The following WWOX variants were observed in gnomAD, a reference collection of about 807,000 sequenced individuals.
The protein encoded by WWOX is WW domain-containing oxidoreductase.
A neutral mutation model predicts 46.2 loss-of-function variants in WWOX; 69 were observed. That is an observed-to-expected ratio of 1.49 (90% CI 1.23 to 1.82). WWOX has a LOEUF of 1.82. Ranked by LOEUF, WWOX falls within the 40% of genes most tolerant of loss-of-function variation. The pLI, the probability that WWOX is intolerant of heterozygous loss-of-function variation, is 0.00. For missense variants in WWOX, 919 were observed against 542.6 expected, an observed-to-expected ratio of 1.69 and a Z score of -6.89; for synonymous variants, 359 against 202.6, an observed-to-expected ratio of 1.77 and a Z score of -6.56.
intron 8 of WWOX, among the ~76,000 whole-genome samples, chr16:78,463,799 T>C (rs1458779873): frequency 6.6e-6 from 1 of 152,076 alleles, no homozygotes; most frequent in African/African-American, 2.4e-5. Context: ...AAGTAAAGAG[T>C]TTAAAGAAGT....
chr16:78,911,174 C>A (rs1280602879), intron 8 of WWOX, among the ~76,000 whole-genome samples: 1 of 151,920 alleles, frequency 6.6e-6, no homozygotes, highest in Non-Finnish European at 1.5e-5. Context: ...TGGCCCTCCA[C>A]CACACCAGCC....
intron 8 of WWOX, among the ~76,000 whole-genome samples, chr16:78,567,336 G>C (rs1015478889): frequency 6.6e-6 from 1 of 151,602 alleles, no homozygotes; most frequent in Non-Finnish European, 1.5e-5. Context: ...ACGAGGTCAG[G>C]AGATCGAGAC....
intron 8 of WWOX, among the ~76,000 whole-genome samples, chr16:78,700,358 G>C (rs1177676160): frequency 8.2e-6 from 1 of 122,056 alleles, no homozygotes; most frequent in Admixed American, 7.9e-5. Context: ...GAGAGAGAGA[G>C]AGACCATCTC....
chr16:79,001,932 G>C (rs2047101037), intron 8 of WWOX, among the ~76,000 whole-genome samples: 1 of 152,142 alleles, frequency 6.6e-6, no homozygotes, highest in East Asian at 1.9e-4. Flanking sequence ...AGTGAGACTG[G>C]AGGGAAGAAA....
chr16:78,593,550 G>T (rs549424275), intron 8 of WWOX, among the ~76,000 whole-genome samples: 2 of 152,314 alleles, frequency 1.3e-5, no homozygotes, highest in South Asian at 4.1e-4. Context: ...CACAGTGCAT[G>T]ATGGGGGAAT....
intron 8 of WWOX, among the ~76,000 whole-genome samples, chr16:78,578,152 C>G (rs563098534): frequency 1.3e-5 from 2 of 149,036 alleles, no homozygotes; most frequent in Admixed American, 1.3e-4. Context: ...GTTGTTGATG[C>G]TTTTTTGCCT....
chr16:78,851,270 A>G (rs1329572599), intron 8 of WWOX, among the ~76,000 whole-genome samples: 1 of 152,202 alleles, frequency 6.6e-6, no homozygotes, highest in African/African-American at 2.4e-5. Context: ...AGGGTCATAA[A>G]CAATAATTTT....
rs1173337443 is a variant in WWOX, at chr16:78,157,434, AGTAAAT to A, written c.410-6748_410-6743del. Among the ~76,000 whole-genome samples, 4 of 152,300 alleles carry A rather than the reference AGTAAAT, an allele frequency of 2.6e-5. No homozygotes were observed. The East Asian group carries it at 7.7e-4, about 29-fold the overall frequency. ...GACATTGGTATCACAGGTAAAAATG[AGTAAAT>A]TTGAGATTATTGTCGTCTTGCTTTA... is the stretch of plus-strand genomic sequence containing the variant. On this transcript the variant is annotated intron_variant, in intron 4 of 8. Transcript: ENST00000566780.
chr16:79,115,240 A>C (rs998252435), intron 8 of WWOX, among the ~76,000 whole-genome samples: 5 of 152,188 alleles, frequency 3.3e-5, no homozygotes, highest in Non-Finnish European at 7.3e-5. Flanking sequence ...TCTCTCTAAC[A>C]ATCAATGGAA....
At position 78,832,318 on chromosome 16, in the gene WWOX, G is replaced by A. The variant is rs142476162; in HGVS notation, c.1057-379290G>A. Among the ~76,000 whole-genome samples, 5 of 152,296 alleles carry A rather than the reference G, an allele frequency of 3.3e-5. No individual in the cohort carries two copies. In the East Asian group the frequency reaches 9.7e-4, roughly 29 times the overall value. The stretch of plus-strand genomic sequence containing the variant: ...GTCATCTGGTCTCCCACAGAGTGAT[G>A]ATCTCAGAGAGAGTGTGAGGAAGAT... On this transcript the variant is annotated intron_variant, in intron 8 of 8. Coordinates refer to ENST00000566780, the MANE Select transcript of WWOX (RefSeq NM_016373.4).
At chr16:78,745,326 GC>G (rs1457295636) in intron 8 of WWOX, among the ~76,000 whole-genome samples, 6 of 152,120 alleles carry the variant, frequency 3.9e-5, no homozygotes, top group Non-Finnish European at 7.4e-5. Flanking sequence ...GCCTTCAAAA[GC>G]CTGAATTTCC....
In WWOX at chr16:78,265,539, A is replaced by C. The variant is rs12922764; in HGVS notation, c.516+101250A>C. Among the ~76,000 whole-genome samples, 9 of 151,414 alleles carry C rather than the reference A, an allele frequency of 5.9e-5. 1 individual carries two copies. The highest frequency in any genetic ancestry group is 2.0e-4 in the East Asian group (1 of 5,062). The stretch of plus-strand genomic sequence containing the variant: ...ACTAAAAATACAAAATTAGCCGGGC[A>C]TGGTGGTGCATGCCTGTAATCCCAG... On this transcript the variant is annotated intron_variant, in intron 5 of 8. Transcript: ENST00000566780.
At chr16:79,114,201 G>T (rs2049468170) in intron 8 of WWOX, among the ~76,000 whole-genome samples, 1 of 152,072 alleles carries the variant, frequency 6.6e-6, no homozygotes, top group African/African-American at 2.4e-5. Context: ...CCCCCCAGAA[G>T]ATATGTTGAA....
At chr16:78,110,658 C>T (rs1450925554) in intron 3 of WWOX, among the ~76,000 whole-genome samples, 1 of 152,176 alleles carries the variant, frequency 6.6e-6, no homozygotes, top group Non-Finnish European at 1.5e-5. Context: ...GCAATAGTAA[C>T]CACCTGTCCA....
intron 8 of WWOX, among the ~76,000 whole-genome samples, chr16:79,012,271 C>T (rs1290664930): frequency 1.3e-5 from 2 of 152,040 alleles, no homozygotes; most frequent in African/African-American, 2.4e-5. Flanking sequence ...CTCGCTCTGT[C>T]ACCTAGGCTA....
In WWOX at chr16:78,417,040, G is replaced by GGTGTGTGTGTGTGTGTGTGTGTGT. The variant is rs143606762; in HGVS notation, c.606-7818_606-7817insGTGTGTGTGTGTGTGTGTGTGTGT. ...CCTTGAAGTCAGGTGACCCTTTGGG[G>GGTGTGTGTGTGTGTGTGTGTGTGT]GTGTGTGTGTGTTTGCTTCTTTATA... On this transcript the variant is annotated intron_variant, in intron 6 of 8. Transcript: ENST00000566780. 1.3e-3 allele frequency among the ~76,000 whole-genome samples: 197 copies of GGTGTGTGTGTGTGTGTGTGTGTGT among 151,380 alleles called. 3 individuals carry two copies. Among genetic ancestry groups the GGTGTGTGTGTGTGTGTGTGTGTGT allele is most frequent in the African/African-American group, 4.2e-3 (172 of 40,956 alleles).
intron 8 of WWOX, among the ~76,000 whole-genome samples, chr16:78,682,210 A>G (rs1356597511): frequency 6.6e-6 from 1 of 152,182 alleles, no homozygotes; most frequent in African/African-American, 2.4e-5. Flanking sequence ...TTGATATTTG[A>G]AAATTGGGCC....
At chr16:79,120,353 C>A (rs370915249) in intron 8 of WWOX, among the ~76,000 whole-genome samples, 1 of 152,180 alleles carries the variant, frequency 6.6e-6, no homozygotes. Flanking sequence ...GCTGAACTAC[C>A]ATTTCCTCAA....
In WWOX at chr16:78,657,727, C is replaced by T. The variant is rs115313457; in HGVS notation, c.1056+224975C>T. Among the ~76,000 whole-genome samples the T allele has an allele frequency of 5.1e-3, 775 of 152,212 alleles. 5 individuals are homozygous for T. The highest frequency in any genetic ancestry group is 0.018 in the African/African-American group (742 of 41,544). On this transcript the variant is annotated intron_variant, in intron 8 of 8. Transcript: ENST00000566780. Reference sequence around the variant, plus strand: ...TTGCCTTTTCTAGCTTGGAAGGTGGCGCAAATAACTGCTTGAGGCTCCCTC... The same window carrying T: ...TTGCCTTTTCTAGCTTGGAAGGTGGTGCAAATAACTGCTTGAGGCTCCCTC...
Sources: allele counts gnomAD v4.1 joint callset (sites outside exome capture counted in the v4.1 genomes callset), GRCh38; gene constraint gnomAD v4.1.1; transcripts MANE v1.5; gene names NCBI Gene and HGNC (gene_info 2026-07-23, HGNC 2026-07-21).